VSIG10: variants seen among roughly 807,000 people sequenced by gnomAD.
The protein encoded by VSIG10 is V-set and immunoglobulin domain-containing protein 10.
A neutral mutation model predicts 58.7 loss-of-function variants in VSIG10; 48 were observed. The observed-to-expected ratio is 0.82, with a 90% CI of 0.65 to 1.04. The LOEUF is 1.04. Among genes scored for constraint, VSIG10 ranks in the 50% least tolerant of loss-of-function variants. The probability of loss-of-function intolerance (pLI) is 0.00; values close to 1 mark genes in which losing one functional copy is unlikely to be tolerated. For synonymous variants in VSIG10, 260 were observed against 267.1 expected, an observed-to-expected ratio of 0.97 and a Z score of 0.26; for missense variants, 628 against 670.0, an observed-to-expected ratio of 0.94 and a Z score of 0.69.
intron 7 of VSIG10, among the ~76,000 whole-genome samples, chr12:118,070,329 C>T (rs1351426903): frequency 2.0e-5 from 3 of 152,208 alleles, no homozygotes. Context: ...GGGCAGACCA[C>T]TTGAGGCCAG....
At chr12:118,072,735 TA>T (rs144372115) in intron 5 of VSIG10, among the ~76,000 whole-genome samples, 14,277 of 151,980 alleles carry the variant, frequency 0.094, 866 homozygotes, top group Admixed American at 0.13. Flanking sequence ...ACATATATAG[TA>T]AAACTTAAAA....
chr12:118,100,194 A>G (rs1264991784), intron 1 of VSIG10, among the ~76,000 whole-genome samples: 3 of 151,766 alleles, frequency 2.0e-5, no homozygotes, highest in Admixed American at 2.0e-4. Context: ...ACATGGTGAA[A>G]CCTCATCTCT....
chr12:118,088,241 A>G (rs961366539), intron 2 of VSIG10, among the ~76,000 whole-genome samples: 13 of 119,834 alleles, frequency 1.1e-4, no homozygotes, highest in African/African-American at 3.5e-4. Context: ...TGTGTCTCAG[A>G]AAAAAAAAAA....
At chr12:118,071,531 C>G in intron 5 of VSIG10, 62 bp from the exon 6 acceptor site, 1 of 1,443,552 alleles carries the variant, frequency 6.9e-7, no homozygotes, top group Non-Finnish European at 9.8e-7. Context: ...AGAACAACAC[C>G]TCCCTTTCTC....
intron 1 of VSIG10, among the ~76,000 whole-genome samples, chr12:118,103,380 G>C (rs936217396): frequency 6.6e-6 from 1 of 152,090 alleles, no homozygotes; most frequent in African/African-American, 2.4e-5. Context: ...CAGGAGGCTG[G>C]GGGTATCTCG....
At chr12:118,079,738 C>T in intron 3 of VSIG10, 132 bp from the exon 4 acceptor site, 1 of 1,274,348 alleles carries the variant, frequency 7.8e-7, no homozygotes. Context: ...TCTAATAGCT[C>T]CTAGCACAAA....
At position 118,103,717 on chromosome 12, in the gene VSIG10, G is replaced by A. The variant is rs1256960178; in HGVS notation, c.-46C>T. The stretch of plus-strand genomic sequence containing the variant: ...AGGAAACGCAGGCTCGGGCTGGGCT[G>A]GACGTGTGTGCCCCAGGGCCCCGGG... On this transcript the variant is annotated 5_prime_UTR_variant, in exon 1 of 9. Coordinates refer to ENST00000359236, the MANE Select transcript of VSIG10 (RefSeq NM_019086.6). The A allele has an allele frequency of 1.4e-6, 2 of 1,424,400 alleles. No individual in the cohort carries two copies. Among genetic ancestry groups the A allele is most frequent in the South Asian group, 1.4e-5 (1 of 69,738 alleles). The allele number at this position is 1,424,400 out of a possible 1,614,324, so 88.2% of individuals were successfully genotyped here. A position where few individuals can be genotyped will look rare whatever the true frequency, so the allele number is the denominator to read the frequency against.
chr12:118,090,756 G>A (rs2033270271), intron 2 of VSIG10, among the ~76,000 whole-genome samples: 2 of 152,078 alleles, frequency 1.3e-5, no homozygotes, highest in African/African-American at 4.8e-5. Flanking sequence ...GGGCTCAAGC[G>A]ATCCTCCCAC....
At chr12:118,071,337 A>G (rs772510409) in intron 6 of VSIG10, 22 bp downstream of exon 6, 1 of 1,602,316 alleles carries the variant, frequency 6.2e-7, no homozygotes, top group Non-Finnish European at 8.5e-7. Flanking sequence ...AAGAGAAGCT[A>G]AAGGACCCAG....
chr12:118,086,221 G>C (rs2033122471), intron 2 of VSIG10, among the ~76,000 whole-genome samples: 1 of 151,880 alleles, frequency 6.6e-6, no homozygotes, highest in East Asian at 1.9e-4. Flanking sequence ...CCAGCACTTT[G>C]GGAGGCGGAG....
chr12:118,068,194 C>CTTTTTTT (rs71069404), intron 8 of VSIG10, among the ~76,000 whole-genome samples, 183 bp downstream of exon 8: 3 of 100,286 alleles, frequency 3.0e-5, no homozygotes, highest in Admixed American at 1.2e-4. Context: ...GCTAATTTTT[C>CTTTTTTT]TTTTTTTTTT....
In VSIG10 at chr12:118,065,684, T is replaced by A. The variant is rs1346569325; in HGVS notation, c.*955A>T. ...AAGAGTACAAATTCAAGTCAGATTT[T>A]CATATTTAGCAGGTGATCTTACAAA... On this transcript the variant is annotated 3_prime_UTR_variant, in exon 9 of 9. Transcript: ENST00000359236. The A allele has an allele frequency of 2.0e-5, 3 of 152,242 alleles. No homozygotes were observed. Among genetic ancestry groups the A allele is most frequent in the Non-Finnish European group, 1.5e-5 (1 of 68,048 alleles). 9.4% of individuals were successfully genotyped at this position (152,242 alleles called of 1,614,324 possible).
chr12:118,098,680 C>T (rs2033540406), intron 1 of VSIG10, among the ~76,000 whole-genome samples: 1 of 152,058 alleles, frequency 6.6e-6, no homozygotes, highest in Admixed American at 6.6e-5. Context: ...CCCCAGGAAG[C>T]CAAACTGAGA....
chr12:118,081,664 T>C (rs2032952105), intron 3 of VSIG10, among the ~76,000 whole-genome samples: 1 of 152,090 alleles, frequency 6.6e-6, no homozygotes, highest in Admixed American at 6.5e-5. Context: ...CCTGGATGTG[T>C]GTATTGAGGG....
chr12:118,080,125 C>A (rs2032893859), intron 3 of VSIG10, among the ~76,000 whole-genome samples: 1 of 151,896 alleles, frequency 6.6e-6, no homozygotes. Flanking sequence ...TGAGCCACTG[C>A]GTCTCGCCTC....
intron 2 of VSIG10, among the ~76,000 whole-genome samples, chr12:118,095,050 C>T (rs868040324): frequency 9.2e-5 from 14 of 152,158 alleles, no homozygotes; most frequent in Middle Eastern, 3.4e-3. Flanking sequence ...ACTACAGGTG[C>T]GCGCCACCAC....
At chr12:118,081,385 G>T (rs1457731705) in intron 3 of VSIG10, among the ~76,000 whole-genome samples, 2 of 151,892 alleles carry the variant, frequency 1.3e-5, no homozygotes, top group African/African-American at 4.8e-5. Flanking sequence ...GAAGTGCAGT[G>T]GCACATCTTG....
At chr12:118,066,761 T>C in intron 8 of VSIG10, 67 bp from the exon 9 acceptor site, 1 of 1,482,458 alleles carries the variant, frequency 6.7e-7, no homozygotes, top group Non-Finnish European at 9.1e-7. Context: ...CCGTCAGTCA[T>C]CAATCATCTC....
chr12:118,095,178 C>G (rs2033411370), intron 2 of VSIG10, among the ~76,000 whole-genome samples: 2 of 152,170 alleles, frequency 1.3e-5, no homozygotes, highest in African/African-American at 4.8e-5. Flanking sequence ...GCTGGGATTA[C>G]AGGCGTAAGC....
Sources: allele counts gnomAD v4.1 joint callset (sites outside exome capture counted in the v4.1 genomes callset), GRCh38; gene constraint gnomAD v4.1.1; transcripts MANE v1.5; gene names NCBI Gene and HGNC (gene_info 2026-07-23, HGNC 2026-07-21).